The following MAPKBP1 variants were observed in gnomAD, a reference collection of about 807,000 sequenced individuals.
The protein encoded by MAPKBP1 is mitogen-activated protein kinase-binding protein 1.
Under a neutral mutation model 170.5 loss-of-function variants are expected in MAPKBP1, and 71 were observed. The observed-to-expected ratio is 0.42, with a 90% CI of 0.34 to 0.51. The LOEUF is 0.51. Ranked by LOEUF, MAPKBP1 falls within the 20% of genes least tolerant of loss-of-function variation. The pLI, the probability that MAPKBP1 is intolerant of heterozygous loss-of-function variation, is 0.06. For missense variants in MAPKBP1, 1,598 were observed against 1,933.0 expected (o/e 0.83, Z 3.25); for synonymous variants, 719 against 757.9 (o/e 0.95, Z 0.84).
intron 2 of MAPKBP1, among the ~76,000 whole-genome samples, chr15:41,780,343 A>G (rs145653570): frequency 9.9e-5 from 15 of 152,114 alleles, no homozygotes; most frequent in Non-Finnish European, 1.8e-4. Context: ...CTCCCCACCA[A>G]CCCTCTGAGT....
Position 41,817,296 on chromosome 15 carries a change from C to G in MAPKBP1, c.1712-92C>G, listed in dbSNP as rs878982115. On this transcript the variant is annotated intron_variant, in intron 14 of 30. Coordinates refer to ENST00000457542, the MANE Select transcript of MAPKBP1 (RefSeq NM_014994.3). The surrounding 1 kb of genome is among the most constrained non-coding windows in gnomAD (Gnocchi z 4.2). Reference sequence around the variant, plus strand: ...TGGTTTTCCCTGGCATGTAGAGTAGCTTGATGGGGGATCTCATGGAGGGAA... The same window carrying G: ...TGGTTTTCCCTGGCATGTAGAGTAGGTTGATGGGGGATCTCATGGAGGGAA... 45 of 1,384,660 alleles carry G rather than the reference C, an allele frequency of 3.2e-5. No individual in the cohort carries two copies. In the South Asian group the frequency reaches 5.0e-4, roughly 15 times the overall value. 85.8% of individuals were successfully genotyped at this position (1,384,660 alleles called of 1,614,324 possible). A position where few individuals can be genotyped will look rare whatever the true frequency, so the allele number is the denominator to read the frequency against.
intron 11 of MAPKBP1, 84 bp downstream of exon 11, chr15:41,815,489 C>G: frequency 1.3e-6 from 2 of 1,573,734 alleles, no homozygotes; most frequent in Non-Finnish European, 8.7e-7. Flanking sequence ...GGGAACTGGT[C>G]CCTAGGCCTT....
chr15:41,786,313 C>T (rs1031652749), intron 2 of MAPKBP1, among the ~76,000 whole-genome samples: 5 of 151,764 alleles, frequency 3.3e-5, no homozygotes, highest in Admixed American at 1.3e-4. Context: ...AAATTTTTCA[C>T]AAAGAGCCTG....
rs1197689 is a variant in MAPKBP1, at chr15:41,817,025, T to A, written c.1701T>A (p.Val567=). The A allele has an allele frequency of 6.3e-7, 1 of 1,592,420 alleles. No individual in the cohort carries two copies. The highest frequency in any genetic ancestry group is 8.6e-7 in the Non-Finnish European group (1 of 1,166,112). The part of the protein sequence containing the change: ...LDEHSSSITA[V]KFAASDGQVR... ...AACACTCATCCTCCATCACTGCTGT[T>A]AAGTTTGCAGGTGCGGGCAGGGTGA... The change falls in exon 14 of 31, where the codon GTT becomes GTA. Residue 567 remains valine, a synonymous_variant. Coordinates refer to ENST00000457542, the MANE Select transcript of MAPKBP1 (RefSeq NM_014994.3). The surrounding 1 kb of genome is among the most constrained non-coding windows in gnomAD (Gnocchi z 4.2).
At chr15:41,781,344 C>G (rs965436638) in intron 2 of MAPKBP1, among the ~76,000 whole-genome samples, 24 of 151,576 alleles carry the variant, frequency 1.6e-4, no homozygotes, top group Non-Finnish European at 3.2e-4. Flanking sequence ...CAAAAGTGTG[C>G]AATGCTTTTT....
At chr15:41,819,547 C>CTGGG in intron 21 of MAPKBP1, 48 bp from the exon 22 acceptor site, 3 of 1,228,202 alleles carry the variant, frequency 2.4e-6, no homozygotes, top group Non-Finnish European at 3.3e-6. Flanking sequence ...GGTTGGGTGG[C>CTGGG]GGGGGGGGGG....
At chr15:41,814,791 A>ATTTTGAGGACAGAGCAGTGTGTGAGGAG in intron 10 of MAPKBP1, 52 bp downstream of exon 10, 1 of 1,593,132 alleles carries the variant, frequency 6.3e-7, no homozygotes, top group African/African-American at 1.3e-5. Flanking sequence ...CTGGGATACC[A>ATTTTGAGGACAGAGCAGTGTGTGAGGAG]TTTTGAGGAC....
In MAPKBP1 at chr15:41,811,414, G is replaced by T. The variant is rs1035648149; in HGVS notation, c.327+179G>T. The T allele has an allele frequency of 6.8e-6, 5 of 732,154 alleles. No individual in the cohort carries two copies. In the African/African-American group the frequency reaches 8.7e-5, roughly 13 times the overall value. 45.4% of individuals were successfully genotyped at this position (732,154 alleles called of 1,614,324 possible). A position where few individuals can be genotyped will look rare whatever the true frequency, so the allele number is the denominator to read the frequency against. On this transcript the variant is annotated intron_variant, in intron 5 of 30. Transcript: ENST00000457542. The stretch of plus-strand genomic sequence containing the variant: ...TTAGTGTACATCAGAATCACTTGGA[G>T]GGCTTGTGAAAGCACACATCACTAG...
intron 2 of MAPKBP1, among the ~76,000 whole-genome samples, chr15:41,792,441 C>A (rs1357219977): frequency 1.3e-5 from 2 of 152,148 alleles, no homozygotes; most frequent in African/African-American, 4.8e-5. Context: ...ACGCTTTCTT[C>A]CATCTCAACA....
At chr15:41,784,621 A>C (rs2064249741) in intron 2 of MAPKBP1, among the ~76,000 whole-genome samples, 1 of 151,980 alleles carries the variant, frequency 6.6e-6, no homozygotes, top group Non-Finnish European at 1.5e-5. Flanking sequence ...GTCTCTACTA[A>C]AAGTACAAAA....
chr15:41,793,981 G>A (rs1254207518), intron 2 of MAPKBP1, among the ~76,000 whole-genome samples: 1 of 152,172 alleles, frequency 6.6e-6, no homozygotes, highest in Admixed American at 6.5e-5. Flanking sequence ...CCTGTAATCA[G>A]CACTTTGGGA....
chr15:41,819,573 C>T (rs2064958084), intron 21 of MAPKBP1, 22 bp from the exon 22 acceptor site: 10 of 1,565,434 alleles, frequency 6.4e-6, no homozygotes, highest in Non-Finnish European at 8.7e-6. Flanking sequence ...GACACTTCCT[C>T]TGACTGCCTG....
chr15:41,800,879 G>T (rs1015254967), intron 3 of MAPKBP1, among the ~76,000 whole-genome samples: 3 of 152,152 alleles, frequency 2.0e-5, no homozygotes, highest in Admixed American at 1.3e-4. Flanking sequence ...AGCTATGGGT[G>T]TGTGCCACCA....
intron 2 of MAPKBP1, among the ~76,000 whole-genome samples, chr15:41,799,377 C>A (rs943735467): frequency 1.3e-5 from 2 of 152,278 alleles, no homozygotes; most frequent in South Asian, 4.2e-4. Flanking sequence ...TGATACCTAA[C>A]ATTCTTTTGG....
At chr15:41,813,262 G>A in intron 8 of MAPKBP1, 161 bp downstream of exon 8, 1 of 1,508,540 alleles carries the variant, frequency 6.6e-7, no homozygotes, top group Non-Finnish European at 9.2e-7. Flanking sequence ...TCCAGCCCTT[G>A]GTGATCTGTA....
intron 3 of MAPKBP1, among the ~76,000 whole-genome samples, chr15:41,807,845 C>T (rs1415338663): frequency 2.0e-5 from 3 of 151,940 alleles, no homozygotes; most frequent in Non-Finnish European, 4.4e-5. Flanking sequence ...TGAGACCAGC[C>T]GACCAATATA....
In MAPKBP1 at chr15:41,775,296, C is replaced by G; in HGVS notation, c.21C>G (p.Thr7=). The G allele has an allele frequency of 9.3e-6, 15 of 1,614,096 alleles. No individual in the cohort carries two copies. The highest frequency in any genetic ancestry group is 1.2e-5 in the Non-Finnish European group (14 of 1,179,976). Reference sequence around the variant, plus strand: ...TCATAATGGCTGTGGAAGGGTCAACCATTACCAGCCGGATCAAGAATCTGT... The same window carrying G: ...TCATAATGGCTGTGGAAGGGTCAACGATTACCAGCCGGATCAAGAATCTGT... MAVEGS[T]ITSRIKNLLR... is the part of the protein sequence containing the mutation. The change falls in exon 2 of 31, where the codon ACC becomes ACG. Residue 7 remains threonine (T), a synonymous_variant. Coordinates refer to ENST00000457542, the MANE Select transcript of MAPKBP1 (RefSeq NM_014994.3).
intron 3 of MAPKBP1, among the ~76,000 whole-genome samples, chr15:41,801,361 G>A (rs2064590821): frequency 6.6e-6 from 1 of 152,172 alleles, no homozygotes; most frequent in African/African-American, 2.4e-5. Flanking sequence ...AACCCCTCCT[G>A]CTTCTGGCTC....
At chr15:41,822,898 T>G in intron 27 of MAPKBP1, 41 bp from the exon 28 acceptor site, 1 of 1,568,654 alleles carries the variant, frequency 6.4e-7, no homozygotes, top group Non-Finnish European at 8.7e-7. Context: ...GGAGGAGCAT[T>G]GAGCCTTCTC....
Sources: gnomAD v4.1 joint callset for allele counts (sites outside exome capture counted in the v4.1 genomes callset) on GRCh38, gnomAD v4.1.1 for gene constraint, Gnocchi (gnomAD v3.1) non-coding constraint, MANE v1.5 for transcripts, NCBI Gene and HGNC (gene_info 2026-07-23, HGNC 2026-07-21) for gene names.